The following CLEC7A variants were observed in gnomAD, a reference collection of about 807,000 sequenced individuals.
CLEC7A encodes C-type lectin domain family 7 member A.
Under a neutral mutation model 26.9 loss-of-function variants are expected in CLEC7A, and 25 were observed. That is an observed-to-expected ratio of 0.93 (90% CI 0.68 to 1.30). The LOEUF (loss-of-function observed/expected upper bound fraction) is 1.30, where lower values mean the gene tolerates loss of function less well. Among genes scored for constraint, CLEC7A ranks in the 50% most tolerant of loss-of-function variants. The pLI is 0.00. For synonymous variants in CLEC7A, 100 were observed against 99.5 expected, an observed-to-expected ratio of 1.01 and a Z score of -0.03; for missense variants, 275 against 286.7, an observed-to-expected ratio of 0.96 and a Z score of 0.29.
At chr12:10,127,369 A>T in intron 2 of CLEC7A, 1 of 1,603,328 alleles carries the variant, frequency 6.2e-7, no homozygotes, top group Non-Finnish European at 8.5e-7. Flanking sequence ...ACAGCACCAT[A>T]TTGTACTTTC....
intron 4 of CLEC7A, 39 bp from the exon 5 acceptor site, chr12:10,123,402 G>GAGAGAGAA: frequency 9.0e-7 from 1 of 1,111,494 alleles, no homozygotes; most frequent in Non-Finnish European, 1.4e-6. Flanking sequence ...TAAAGAGAGA[G>GAGAGAGAA]AGAGAGAGAG....
chr12:10,118,645 T>G, intron 5 of CLEC7A, 55 bp from the exon 6 acceptor site: 1 of 1,444,768 alleles, frequency 6.9e-7, no homozygotes, highest in Non-Finnish European at 9.6e-7. Flanking sequence ...GAATACTGTC[T>G]ACATGGCGCA....
intron 2 of CLEC7A, chr12:10,126,928 G>C (rs78646223): frequency 3.6e-6 from 2 of 548,334 alleles, no homozygotes; most frequent in African/African-American, 5.6e-5. Context: ...AAAAAAAAAA[G>C]AAAAGAAAAA....
intron 1 of CLEC7A, among the ~76,000 whole-genome samples, chr12:10,129,099 C>A (rs1948404993): frequency 6.6e-6 from 1 of 152,168 alleles, no homozygotes; most frequent in Non-Finnish European, 1.5e-5. Flanking sequence ...GCCCTTCTTT[C>A]TATTTCATTT....
At chr12:10,126,993 A>G (rs1460424103) in intron 2 of CLEC7A, 1 of 1,330,600 alleles carries the variant, frequency 7.5e-7, no homozygotes, top group Non-Finnish European at 9.8e-7. Flanking sequence ...CAAATGTCAT[A>G]GAGTCAATTG....
Position 10,118,537 on chromosome 12 carries a change from C to T in CLEC7A, c.665G>A (p.Trp222Ter), listed in dbSNP as rs760732103. Residue 222 changes from tryptophan (W) to a stop codon, truncating the protein, a stop_gained, in exon 6 of 6, where the codon TGG (tryptophan) becomes TAG (stop). Transcript: ENST00000304084. LOFTEE classifies it low-confidence loss of function (END_TRUNC). ...GTCATAAATGACTGACACGTGAATC[C>T]ATACACAATTTGGAGATGGGTTTTC... ...TQENPSPNCV[W>*]IHVSVIYDQL... 4 of 1,613,012 alleles carry T rather than the reference C, an allele frequency of 2.5e-6. No individual in the cohort carries two copies. In the South Asian group the frequency reaches 4.4e-5, roughly 18 times the overall value.
intron 4 of CLEC7A, among the ~76,000 whole-genome samples, chr12:10,124,437 T>C (rs1485902402): frequency 3.3e-5 from 5 of 152,244 alleles, no homozygotes; most frequent in African/African-American, 1.2e-4. Flanking sequence ...GTGCCACTTT[T>C]TCTGAAAACT....
chr12:10,126,219 G>A (rs1038742933), intron 3 of CLEC7A: 42 of 981,662 alleles, frequency 4.3e-5, no homozygotes, highest in Middle Eastern at 5.2e-4. Flanking sequence ...TAACTGTATC[G>A]CATTTAAAAT....
chr12:10,127,806 A>G lies in CLEC7A; in HGVS notation c.143T>C (p.Val48Ala), dbSNP rs1455805827. 24 of 1,579,964 alleles carry G rather than the reference A, an allele frequency of 1.5e-5. No individual in the cohort carries two copies. The highest frequency in any genetic ancestry group is 2.1e-5 in the Non-Finnish European group (24 of 1,161,740). Residue 48 changes from valine to alanine, a missense_variant, in exon 2 of 6, where the codon GTA (valine) becomes GCA (alanine). By Grantham distance (64) the Val-to-Ala change is moderately conservative (BLOSUM62 0). Transcript: ENST00000304084. Reference protein sequence around the residue: ...AASPPWRLIAVILGILCLVIL... With the variant: ...AASPPWRLIAAILGILCLVIL... ...TACCAAGCATAGGATTCCCAAAATT[A>G]CAGCAATGAGGCGCCAAGGAGGAGA...
intron 4 of CLEC7A, among the ~76,000 whole-genome samples, chr12:10,123,751 G>C (rs1251405033): frequency 2.9e-5 from 3 of 102,986 alleles, no homozygotes; most frequent in African/African-American, 9.9e-5. Flanking sequence ...CTGGGCGACA[G>C]AGCGAGACTC....
intron 4 of CLEC7A, among the ~76,000 whole-genome samples, chr12:10,124,366 TC>T (rs1452708332): frequency 6.6e-6 from 1 of 152,212 alleles, no homozygotes; most frequent in Non-Finnish European, 1.5e-5. Context: ...ATAGAATTTT[TC>T]CTATTAACCC....
chr12:10,125,313 T>C lies in CLEC7A; in HGVS notation c.476A>G (p.Asp159Gly), dbSNP rs758623997. 2 of 1,613,752 alleles carry C rather than the reference T, an allele frequency of 1.2e-6. No individual in the cohort carries two copies. The highest frequency in any genetic ancestry group is 1.1e-5 in the South Asian group (1 of 91,080). Reference sequence around the variant, plus strand: ...TACACTTACCAATTCATTTGAGCTGTCTATCTTTAGGAGATTAGAGCCCAG... The same window carrying C: ...TACACTTACCAATTCATTTGAGCTGCCTATCTTTAGGAGATTAGAGCCCAG... Reference protein sequence around the residue: ...WQLGSNLLKIDSSNELGFIVK... With the variant: ...WQLGSNLLKIGSSNELGFIVK... Residue 159 changes from aspartate (D) to glycine (G), a missense_variant, in exon 4 of 6, where the codon GAC (aspartate) becomes GGC (glycine). By Grantham distance (94) the Asp-to-Gly change is moderately conservative. Coordinates refer to ENST00000304084, the MANE Select transcript of CLEC7A (RefSeq NM_197947.3).
intron 4 of CLEC7A, among the ~76,000 whole-genome samples, chr12:10,123,612 T>G (rs1478243635): frequency 7.0e-6 from 1 of 143,020 alleles, no homozygotes; most frequent in Admixed American, 6.7e-5. Flanking sequence ...ATACAAAAAA[T>G]TAGCCGGGCG....
At chr12:10,123,510 C>T in intron 4 of CLEC7A, 147 bp from the exon 5 acceptor site, 1 of 601,470 alleles carries the variant, frequency 1.7e-6, no homozygotes, top group Non-Finnish European at 2.9e-6. Context: ...GCCTGTAATC[C>T]CAGCACTTTG....
rs1355127208 is a variant in CLEC7A, at chr12:10,117,355, CCT to C, written c.*1101_*1102del. ...ACTACCCTGACCGACATGGAGAAAC[CCT>C]GTCTCTACTAAAAAAATACAAAATT... On this transcript the variant is annotated 3_prime_UTR_variant, in exon 6 of 6. Transcript: ENST00000304084. 6.6e-6 allele frequency: 1 copy of C among 151,834 alleles called. No individual in the cohort carries two copies. Among genetic ancestry groups the C allele is most frequent in the African/African-American group, 2.4e-5 (1 of 41,340 alleles). The allele number at this position is 151,834 out of a possible 1,614,324, so 9.4% of individuals were successfully genotyped here.
At chr12:10,123,412 GAA>G (rs1223735216) in intron 4 of CLEC7A, 49 bp from the exon 5 acceptor site, 13 of 1,019,984 alleles carry the variant, frequency 1.3e-5, no homozygotes, top group Non-Finnish European at 2.0e-5. Context: ...GAGAGAGAGA[GAA>G]AGAAACTATT....
chr12:10,128,021 G>A (rs1948355788), intron 1 of CLEC7A, among the ~76,000 whole-genome samples, 176 bp from the exon 2 acceptor site: 1 of 150,380 alleles, frequency 6.6e-6, no homozygotes, highest in South Asian at 2.1e-4. Flanking sequence ...GACCAGCCTG[G>A]GCAACACAGG....
At position 10,126,511 on chromosome 12, in the gene CLEC7A, C is replaced by G. The variant is rs904706436; in HGVS notation, c.340+60G>C. 9 of 1,535,036 alleles carry G rather than the reference C, an allele frequency of 5.9e-6. No homozygotes were observed. The Admixed American group carries it at 8.5e-5, about 15-fold the overall frequency. On this transcript the variant is annotated intron_variant, in intron 3 of 5. Transcript: ENST00000304084. ...TTTTTCTTTACACCCCTGCCCCAGG[C>G]TTCAGCACCAAGAATTAACCCTCTT... is the stretch of plus-strand genomic sequence containing the variant.
chr12:10,118,491 T>A lies in CLEC7A; in HGVS notation c.711A>T (p.Ser237=). ...VIYDQLCSVP[S]YSICEKKFSM ...AAAACTTCTTCTCACAAATACTATA[T>A]GAGGGCACACTACACAGTTGGTCAT... Residue 237 remains serine (S), a synonymous_variant, in exon 6 of 6, where the codon TCA becomes TCT. Transcript: ENST00000304084. 6.2e-7 allele frequency: 1 copy of A among 1,611,818 alleles called. No homozygotes were observed. Among genetic ancestry groups the A allele is most frequent in the Non-Finnish European group, 8.5e-7 (1 of 1,177,972 alleles).
Sources: gnomAD v4.1 joint callset for allele counts (sites outside exome capture counted in the v4.1 genomes callset) on GRCh38, gnomAD v4.1.1 for gene constraint, MANE v1.5 for transcripts, NCBI Gene and HGNC (gene_info 2026-07-23, HGNC 2026-07-21) for gene names.